PDCD10: variants seen among roughly 807,000 people sequenced by gnomAD.
PDCD10 encodes the protein programmed cell death protein 10.
In PDCD10, 4 loss-of-function variants were observed where a neutral mutation model predicts 29.2. The ratio of observed to expected loss-of-function variants is 0.14; its 90% CI spans 0.07 to 0.31. The LOEUF is 0.31. PDCD10 is among the 10% of genes least tolerant of loss of function. PDCD10 has a pLI of 1.00. For synonymous variants in PDCD10, 70 were observed against 82.2 expected, an observed-to-expected ratio of 0.85 and a Z score of 0.80; for missense variants, 183 against 257.9, an observed-to-expected ratio of 0.71 and a Z score of 1.99.
At chr3:167,705,989 C>G (rs917095203) in intron 3 of PDCD10, among the ~76,000 whole-genome samples, 1 of 152,090 alleles carries the variant, frequency 6.6e-6, no homozygotes, top group Non-Finnish European at 1.5e-5. Flanking sequence ...AACCCATTTC[C>G]TTACTTAGGT....
chr3:167,694,414 T>C, intron 6 of PDCD10: 1 of 163,922 alleles, frequency 6.1e-6, no homozygotes, highest in African/African-American at 2.4e-5. Flanking sequence ...GTTTTTCTGT[T>C]TTCTGCAGGT....
chr3:167,701,178 C>T (rs972714693), intron 4 of PDCD10, among the ~76,000 whole-genome samples: 9 of 152,088 alleles, frequency 5.9e-5, no homozygotes, highest in Admixed American at 2.6e-4. Flanking sequence ...GTTGTTTCTG[C>T]GGTTAGAAAG....
intron 3 of PDCD10, among the ~76,000 whole-genome samples, chr3:167,714,637 T>C (rs529489148): frequency 6.6e-6 from 1 of 152,090 alleles, no homozygotes; most frequent in South Asian, 2.1e-4. Context: ...AGCATTTCTA[T>C]ATGCCGACAG....
At chr3:167,717,227 G>T (rs1723112565) in intron 3 of PDCD10, among the ~76,000 whole-genome samples, 2 of 151,950 alleles carry the variant, frequency 1.3e-5, no homozygotes, top group South Asian at 4.1e-4. Context: ...GCAAGCTGTA[G>T]TAACAGTACT....
intron 2 of PDCD10, chr3:167,730,569 T>C (rs1390262919): frequency 6.6e-6 from 1 of 152,158 alleles, no homozygotes; most frequent in African/African-American, 2.4e-5. Context: ...AAATGGATAG[T>C]ATTACCAAAT....
intron 3 of PDCD10, 35 bp from the exon 4 acceptor site, chr3:167,704,930 A>G: frequency 1.5e-6 from 2 of 1,371,948 alleles, no homozygotes; most frequent in East Asian, 2.4e-5. Context: ...ATGAATATCA[A>G]CTTTCTTGGA....
chr3:167,695,356 T>C (rs978111584), intron 6 of PDCD10, among the ~76,000 whole-genome samples: 10 of 152,234 alleles, frequency 6.6e-5, no homozygotes, highest in African/African-American at 2.2e-4. Context: ...ATCATTTATG[T>C]AGTTCAAACT....
Position 167,704,828 on chromosome 3 carries a change from T to C in PDCD10, c.150+14A>G, listed in dbSNP as rs1258819238. 6.5e-7 allele frequency: 1 copy of C among 1,548,090 alleles called. No individual in the cohort carries two copies. On this transcript the variant is annotated intron_variant, in intron 4 of 8. Transcript: ENST00000392750. ...ATACACTTTAATAATCATAGTAAAT[T>C]ATTTGCACCTCACCTTGATGAAAGC...
At chr3:167,725,913 T>C (rs1559978893) in intron 2 of PDCD10, among the ~76,000 whole-genome samples, 1 of 149,672 alleles carries the variant, frequency 6.7e-6, no homozygotes, top group Non-Finnish European at 1.5e-5. Flanking sequence ...GGTCCTGTCA[T>C]TCATAAACTA....
chr3:167,717,228 T>C (rs186303534), intron 3 of PDCD10, among the ~76,000 whole-genome samples: 1 of 152,120 alleles, frequency 6.6e-6, no homozygotes, highest in East Asian at 1.9e-4. Context: ...CAAGCTGTAG[T>C]AACAGTACTA....
intron 2 of PDCD10, among the ~76,000 whole-genome samples, chr3:167,729,806 A>C (rs1724609396): frequency 6.6e-6 from 1 of 152,202 alleles, no homozygotes; most frequent in Non-Finnish European, 1.5e-5. Flanking sequence ...TGGTAAACTT[A>C]TTCCCAAGGG....
At chr3:167,692,193 C>T (rs564059461) in intron 6 of PDCD10, among the ~76,000 whole-genome samples, 1 of 152,192 alleles carries the variant, frequency 6.6e-6, no homozygotes, top group Non-Finnish European at 1.5e-5. Flanking sequence ...GGATCACTGA[C>T]AATTTATCCT....
chr3:167,716,042 C>T (rs964846180), intron 3 of PDCD10, among the ~76,000 whole-genome samples: 2 of 151,716 alleles, frequency 1.3e-5, no homozygotes, highest in African/African-American at 4.8e-5. Context: ...AACAGATGAA[C>T]AGATAAAATG....
chr3:167,698,986 C>T (rs1330747591), intron 4 of PDCD10, among the ~76,000 whole-genome samples: 2 of 152,140 alleles, frequency 1.3e-5, no homozygotes, highest in Non-Finnish European at 2.9e-5. Flanking sequence ...TTATTAAATA[C>T]TTAGGTCTAA....
chr3:167,703,644 T>A (rs903771766), intron 4 of PDCD10, among the ~76,000 whole-genome samples: 2 of 152,034 alleles, frequency 1.3e-5, no homozygotes, highest in Non-Finnish European at 2.9e-5. Context: ...AAAATAAAAA[T>A]TAAAGTTTTG....
At chr3:167,731,430 T>A (rs1724802250) in intron 2 of PDCD10, among the ~76,000 whole-genome samples, 1 of 152,222 alleles carries the variant, frequency 6.6e-6, no homozygotes, top group Non-Finnish European at 1.5e-5. Flanking sequence ...TTCCACAATT[T>A]ATATTAAAAT....
chr3:167,725,763 TTATATATATATATATATATATA>T (rs67647566), intron 2 of PDCD10, among the ~76,000 whole-genome samples: 1,689 of 77,166 alleles, frequency 0.022, 91 homozygotes, highest in Admixed American at 0.083. Context: ...ATTGTATCGT[TTATATATATATATATATATATA>T]TATATATATA....
At chr3:167,720,417 T>C in intron 2 of PDCD10, 144 bp from the exon 3 acceptor site, 2 of 425,780 alleles carry the variant, frequency 4.7e-6, no homozygotes. Context: ...GCAAACCTAG[T>C]TGGCAAGAAA....
intron 4 of PDCD10, among the ~76,000 whole-genome samples, chr3:167,701,909 G>A (rs999032243): frequency 5.9e-5 from 9 of 152,230 alleles, no homozygotes; most frequent in African/African-American, 1.9e-4. Context: ...TAAAAAAAAC[G>A]TAGAGGATGA....
Sources: gnomAD v4.1 joint callset for allele counts (sites outside exome capture counted in the v4.1 genomes callset) on GRCh38, gnomAD v4.1.1 for gene constraint, MANE v1.5 for transcripts, NCBI Gene and HGNC (gene_info 2026-07-23, HGNC 2026-07-21) for gene names.